The following MARCHF6 variants were observed in gnomAD, a reference collection of about 807,000 sequenced individuals.
The protein encoded by MARCHF6 is E3 ubiquitin-protein ligase MARCHF6.
In MARCHF6, 31 loss-of-function variants were observed where a neutral mutation model predicts 133.7. That is an observed-to-expected ratio of 0.23 (90% CI 0.17 to 0.31). The LOEUF is 0.31. Ranked by LOEUF, MARCHF6 falls within the 10% of genes least tolerant of loss-of-function variation. The probability of loss-of-function intolerance (pLI) is 1.00; values close to 1 mark genes in which losing one functional copy is unlikely to be tolerated. For synonymous variants in MARCHF6, 395 were observed against 402.5 expected (o/e 0.98, Z 0.22); for missense variants, 723 against 1,121.6 (o/e 0.64, Z 5.08).
intron 1 of MARCHF6, among the ~76,000 whole-genome samples, chr5:10,368,015 A>G (rs1183748373): frequency 6.6e-6 from 1 of 152,190 alleles, no homozygotes; most frequent in East Asian, 1.9e-4. Context: ...TTTACTGCAT[A>G]CGAATCTGAT....
intron 1 of MARCHF6, among the ~76,000 whole-genome samples, chr5:10,354,231 G>A (rs1210069588): frequency 2.0e-5 from 3 of 152,170 alleles, no homozygotes; most frequent in African/African-American, 7.2e-5. Context: ...GCCCAGAAAA[G>A]GGGGCCTCTG....
chr5:10,431,637 GTGTGTGTGTGTGTGAGAGTGTA>G (rs960237586), intron 25 of MARCHF6, among the ~76,000 whole-genome samples: 1 of 151,556 alleles, frequency 6.6e-6, no homozygotes, highest in Admixed American at 6.6e-5. Context: ...GTGTGTGTGT[GTGTGTGTGTGTGTGAGAGTGTA>G]TGTGTGTGTG....
At chr5:10,422,182 T>C (rs1361139066) in intron 22 of MARCHF6, 4 of 152,204 alleles carry the variant, frequency 2.6e-5, no homozygotes, top group African/African-American at 9.7e-5. Flanking sequence ...TGGGCTTGGC[T>C]TGGAGGCTTG....
At chr5:10,390,281 C>G (rs1274993072) in intron 5 of MARCHF6, 51 bp from the exon 6 acceptor site, 1 of 1,457,618 alleles carries the variant, frequency 6.9e-7, no homozygotes, top group African/African-American at 1.5e-5. Flanking sequence ...CTTTGTTTTC[C>G]TAATTTTAAG....
In MARCHF6 at chr5:10,412,596, C is replaced by A. The variant is rs1373519558; in HGVS notation, c.1896+1059C>A. Reference sequence around the variant, plus strand: ...GAGTTGTGTTGTTTTGTTTTTGAGACAGGGTCTTGCTCTGTTGCCCAGGCT... The same window carrying A: ...GAGTTGTGTTGTTTTGTTTTTGAGAAAGGGTCTTGCTCTGTTGCCCAGGCT... On this transcript the variant is annotated intron_variant, in intron 19 of 25. Coordinates refer to ENST00000274140, the MANE Select transcript of MARCHF6 (RefSeq NM_005885.4). Among the ~76,000 whole-genome samples, 5 of 152,208 alleles carry A rather than the reference C, an allele frequency of 3.3e-5. No individual in the cohort carries two copies. The East Asian group carries it at 9.7e-4, about 29-fold the overall frequency.
chr5:10,408,739 A>G (rs756944532), intron 17 of MARCHF6, among the ~76,000 whole-genome samples: 1 of 151,996 alleles, frequency 6.6e-6, no homozygotes, highest in Admixed American at 6.6e-5. Context: ...GGGTTTTACC[A>G]TGTTGCCTGT....
chr5:10,362,397 A>G (rs1354107619), intron 1 of MARCHF6, among the ~76,000 whole-genome samples: 1 of 152,238 alleles, frequency 6.6e-6, no homozygotes, highest in Non-Finnish European at 1.5e-5. Context: ...GCATTGATGT[A>G]GCTAGAGTAG....
At chr5:10,384,014 C>A (rs557703406) in intron 4 of MARCHF6, among the ~76,000 whole-genome samples, 1 of 152,096 alleles carries the variant, frequency 6.6e-6, no homozygotes, top group Non-Finnish European at 1.5e-5. Flanking sequence ...TACATTGTTA[C>A]ATTATTAATG....
chr5:10,427,056 C>T (rs180954925), intron 24 of MARCHF6, among the ~76,000 whole-genome samples: 4 of 152,268 alleles, frequency 2.6e-5, no homozygotes, highest in Admixed American at 1.3e-4. Context: ...TCCAGAATTC[C>T]GTCTCTCAGC....
At chr5:10,386,252 A>G (rs912775759) in intron 4 of MARCHF6, among the ~76,000 whole-genome samples, 1 of 152,200 alleles carries the variant, frequency 6.6e-6, no homozygotes, top group African/African-American at 2.4e-5. Context: ...TGAAAATCTG[A>G]TTGGAAGTCT....
chr5:10,417,126 T>G, intron 21 of MARCHF6, 144 bp from the exon 22 acceptor site: 1 of 912,106 alleles, frequency 1.1e-6, no homozygotes, highest in Non-Finnish European at 1.7e-6. Context: ...CCTGCAGATT[T>G]TCTGGATCCT....
At chr5:10,370,091 G>GA (rs1736379476) in intron 1 of MARCHF6, among the ~76,000 whole-genome samples, 1 of 71,402 alleles carries the variant, frequency 1.4e-5, no homozygotes, top group African/African-American at 5.9e-5. Flanking sequence ...ATCTTACTGT[G>GA]ATTTTTTTTT....
chr5:10,392,251 C>T (rs936704831), intron 7 of MARCHF6, among the ~76,000 whole-genome samples: 9 of 151,934 alleles, frequency 5.9e-5, no homozygotes, highest in East Asian at 3.9e-4. Context: ...CCACTGCGCC[C>T]GGCCTACACA....
chr5:10,379,907 A>G (rs1193248379), intron 3 of MARCHF6, among the ~76,000 whole-genome samples: 1 of 152,166 alleles, frequency 6.6e-6, no homozygotes, highest in Non-Finnish European at 1.5e-5. Flanking sequence ...TGCTTGGCCA[A>G]ACAAAGTTTT....
intron 15 of MARCHF6, 73 bp downstream of exon 15, chr5:10,403,614 C>G: frequency 7.3e-7 from 1 of 1,368,870 alleles, no homozygotes; most frequent in South Asian, 1.5e-5. Flanking sequence ...AGTCATGTCT[C>G]AAAGGCTATG....
intron 1 of MARCHF6, among the ~76,000 whole-genome samples, chr5:10,365,039 T>G (rs986071933): frequency 7.2e-5 from 11 of 151,962 alleles, no homozygotes; most frequent in Non-Finnish European, 1.2e-4. Context: ...CTGACCTCAG[T>G]TGATCTACCC....
chr5:10,427,980 G>A (rs1740177566), intron 24 of MARCHF6, among the ~76,000 whole-genome samples: 1 of 152,128 alleles, frequency 6.6e-6, no homozygotes, highest in African/African-American at 2.4e-5. Context: ...TGATGCAGGA[G>A]GATTGCTTGA....
At chr5:10,398,267 C>T (rs556248235) in intron 10 of MARCHF6, among the ~76,000 whole-genome samples, 126 of 152,268 alleles carry the variant, frequency 8.3e-4, no homozygotes, top group Admixed American at 1.5e-3. Context: ...TACATTGTGA[C>T]GTGTAAAGCA....
chr5:10,416,889 T>G (rs1005673585), intron 21 of MARCHF6, among the ~76,000 whole-genome samples: 1 of 152,346 alleles, frequency 6.6e-6, no homozygotes, highest in East Asian at 1.9e-4. Flanking sequence ...GGGAGCCAGT[T>G]TGATCAGCTT....
Sources: allele counts gnomAD v4.1 joint callset (sites outside exome capture counted in the v4.1 genomes callset), GRCh38; gene constraint gnomAD v4.1.1; transcripts MANE v1.5; gene names NCBI Gene and HGNC (gene_info 2026-07-23, HGNC 2026-07-21).